Variants in TACR3 observed in about 807,000 individuals in gnomAD.
The protein encoded by TACR3 is tachykinin receptor 3.
TACR3 carries 34 observed loss-of-function variants against 35.0 expected under a neutral mutation model. The observed-to-expected ratio is 0.97, with a 90% CI of 0.74 to 1.30. TACR3 has a LOEUF of 1.30. TACR3 is among the 50% of genes most tolerant of loss of function. The probability of loss-of-function intolerance (pLI) is 0.00; values close to 1 mark genes in which losing one functional copy is unlikely to be tolerated. For synonymous variants in TACR3, 233 were observed against 221.1 expected, an observed-to-expected ratio of 1.05 and a Z score of -0.48; for missense variants, 558 against 591.7, an observed-to-expected ratio of 0.94 and a Z score of 0.59.
At chr4:103,705,808 G>C (rs1277590121) in intron 1 of TACR3, among the ~76,000 whole-genome samples, 4 of 152,162 alleles carry the variant, frequency 2.6e-5, no homozygotes, top group Admixed American at 6.5e-5. Context: ...GAACTTGAAA[G>C]AGGATCTGAG....
chr4:103,677,283 T>C (rs1726190097), intron 1 of TACR3, among the ~76,000 whole-genome samples: 1 of 151,294 alleles, frequency 6.6e-6, no homozygotes, highest in South Asian at 2.1e-4. Context: ...ATTTCAATCA[T>C]TGTGGAAGAC....
chr4:103,653,727 C>A (rs866796162), intron 3 of TACR3, among the ~76,000 whole-genome samples: 6 of 151,684 alleles, frequency 4.0e-5, no homozygotes, highest in Admixed American at 6.6e-5. Context: ...AGCTTCTGCA[C>A]AGCAAAAGAA....
intron 1 of TACR3, among the ~76,000 whole-genome samples, chr4:103,712,135 A>G (rs960585819): frequency 2.6e-5 from 4 of 152,130 alleles, no homozygotes; most frequent in African/African-American, 9.7e-5. Context: ...ACAGAATTGG[A>G]AAAAAACTAC....
chr4:103,719,788 T>C lies in TACR3; in HGVS notation c.-113A>G. On this transcript the variant is annotated 5_prime_UTR_variant, in exon 1 of 5. Coordinates refer to ENST00000304883, the MANE Select transcript of TACR3 (RefSeq NM_001059.3). Reference sequence around the variant, plus strand: ...TCACTTTGGTGCCGGAGTCTTCAGATAAGACTGGAAGCTGAAAGATACTGC... The same window carrying C: ...TCACTTTGGTGCCGGAGTCTTCAGACAAGACTGGAAGCTGAAAGATACTGC... 2 of 1,363,024 alleles carry C rather than the reference T, an allele frequency of 1.5e-6. No individual in the cohort carries two copies. Among genetic ancestry groups the C allele is most frequent in the Non-Finnish European group, 2.0e-6 (2 of 987,532 alleles). The allele number at this position is 1,363,024 out of a possible 1,614,324, so 84.4% of individuals were successfully genotyped here. A position where few individuals can be genotyped will look rare whatever the true frequency, so the allele number is the denominator to read the frequency against.
At chr4:103,709,264 G>A (rs1243783971) in intron 1 of TACR3, among the ~76,000 whole-genome samples, 15 of 152,114 alleles carry the variant, frequency 9.9e-5, no homozygotes, top group African/African-American at 1.2e-4. Context: ...GAGAAAGGTC[G>A]GGTTACCCAC....
intron 4 of TACR3, 123 bp downstream of exon 4, chr4:103,591,364 G>T: frequency 8.7e-7 from 1 of 1,149,184 alleles, no homozygotes; most frequent in Non-Finnish European, 1.3e-6. Flanking sequence ...CTCTCTCAGT[G>T]AATTCTTAAA....
rs570535500 is a variant in TACR3, at chr4:103,618,352, G to A, written c.889-26669C>T. Among the ~76,000 whole-genome samples, 20 of 152,180 alleles carry A rather than the reference G, an allele frequency of 1.3e-4. No homozygotes were observed. In the East Asian group the frequency reaches 3.3e-3, roughly 25 times the overall value. Reference sequence around the variant, plus strand: ...ATAGGGAATCCTTTCTCTGTGGCTTGTTTTTGTCAGTCTTGACAAAGTTCA... The same window carrying A: ...ATAGGGAATCCTTTCTCTGTGGCTTATTTTTGTCAGTCTTGACAAAGTTCA... On this transcript the variant is annotated intron_variant, in intron 3 of 4. Transcript: ENST00000304883.
intron 3 of TACR3, among the ~76,000 whole-genome samples, chr4:103,622,556 C>A (rs1194201134): frequency 6.6e-6 from 1 of 151,990 alleles, no homozygotes; most frequent in African/African-American, 2.4e-5. Flanking sequence ...ACAGTGAAAC[C>A]CCGTCTCTAC....
rs28870483 is a variant in TACR3 at position 103,597,454 on chromosome 4, T to C, written c.889-5771A>G. Reference sequence around the variant, plus strand: ...TTGTTTTGATTAGAATCCTTTTTTTTAAATTTTATTATTATTATACTTTAA... The same window carrying C: ...TTGTTTTGATTAGAATCCTTTTTTTCAAATTTTATTATTATTATACTTTAA... On this transcript the variant is annotated intron_variant, in intron 3 of 4. Transcript: ENST00000304883. Among the ~76,000 whole-genome samples the C allele has an allele frequency of 1.1e-3, 161 of 152,222 alleles. 1 individual carries two copies. Among genetic ancestry groups the C allele is most frequent in the African/African-American group, 3.7e-3 (154 of 41,556 alleles).
chr4:103,635,291 G>C (rs1028984113), intron 3 of TACR3, among the ~76,000 whole-genome samples: 2 of 151,860 alleles, frequency 1.3e-5, no homozygotes, highest in African/African-American at 4.8e-5. Flanking sequence ...GCTAAGGGTT[G>C]AAGAGGAAGG....
chr4:103,604,181 C>G (rs1724288710), intron 3 of TACR3, among the ~76,000 whole-genome samples: 1 of 152,240 alleles, frequency 6.6e-6, no homozygotes, highest in East Asian at 1.9e-4. Flanking sequence ...GGTACTGGTA[C>G]CAAAACAGAT....
At chr4:103,611,679 C>T in intron 3 of TACR3, among the ~76,000 whole-genome samples, 1 of 151,902 alleles carries the variant, frequency 6.6e-6, no homozygotes, top group East Asian at 1.9e-4. Flanking sequence ...GACATGGCAT[C>T]AAGAAGTAGA....
chr4:103,685,465 G>A (rs2110212855), intron 1 of TACR3, among the ~76,000 whole-genome samples: 1 of 152,000 alleles, frequency 6.6e-6, no homozygotes, highest in Middle Eastern at 3.4e-3. Context: ...AATATTTCTG[G>A]GACATGACAA....
In TACR3 at chr4:103,650,718, TAA is replaced by T. The variant is rs1231849879; in HGVS notation, c.888+5474_888+5475del. ...ATATATTTATATATATAAATATATA[TAA>T]ATAAATATATATTATATCATATATA... On this transcript the variant is annotated intron_variant, in intron 3 of 4. Coordinates refer to ENST00000304883, the MANE Select transcript of TACR3 (RefSeq NM_001059.3). 1.1e-3 allele frequency among the ~76,000 whole-genome samples: 56 copies of T among 51,026 alleles called. 2 individuals carry two copies. Among genetic ancestry groups the T allele is most frequent in the Non-Finnish European group, 1.4e-3 (50 of 34,802 alleles). The allele number at this position is 51,026 out of a possible 152,430, so 33.5% of individuals were successfully genotyped here. A position where few individuals can be genotyped will look rare whatever the true frequency, so the allele number is the denominator to read the frequency against.
At chr4:103,605,878 T>G (rs1296312168) in intron 3 of TACR3, among the ~76,000 whole-genome samples, 3 of 152,234 alleles carry the variant, frequency 2.0e-5, no homozygotes, top group Non-Finnish European at 4.4e-5. Context: ...CTTTTGGTGT[T>G]TTAGACATGA....
At chr4:103,633,439 T>C (rs112042141) in intron 3 of TACR3, among the ~76,000 whole-genome samples, 17,060 of 152,096 alleles carry the variant, frequency 0.11, 999 homozygotes, top group African/African-American at 0.13. Context: ...CCATAAGTTA[T>C]TGGGGTACAG....
At chr4:103,677,724 A>T (rs1198583283) in intron 1 of TACR3, among the ~76,000 whole-genome samples, 1 of 152,050 alleles carries the variant, frequency 6.6e-6, no homozygotes, top group African/African-American at 2.4e-5. Flanking sequence ...GGGTGGGAGG[A>T]AGAAGAGCAT....
chr4:103,646,063 G>C (rs1184595656), intron 3 of TACR3, among the ~76,000 whole-genome samples: 1 of 151,946 alleles, frequency 6.6e-6, no homozygotes, highest in Non-Finnish European at 1.5e-5. Context: ...TGTATCTACA[G>C]AATTACTTTC....
At chr4:103,599,331 T>C (rs1433077463) in intron 3 of TACR3, among the ~76,000 whole-genome samples, 2 of 152,238 alleles carry the variant, frequency 1.3e-5, no homozygotes, top group African/African-American at 2.4e-5. Flanking sequence ...CTGAAGTTGC[T>C]TATCAGCTTG....
Sources: allele counts gnomAD v4.1 joint callset (sites outside exome capture counted in the v4.1 genomes callset), GRCh38; gene constraint gnomAD v4.1.1; transcripts MANE v1.5; gene names NCBI Gene and HGNC (gene_info 2026-07-23, HGNC 2026-07-21).